ADGRV1: variants seen among roughly 807,000 people sequenced by gnomAD.
The protein encoded by ADGRV1 is adhesion G protein-coupled receptor V1, also known as G-protein coupled receptor 98.
A neutral mutation model predicts 596.2 loss-of-function variants in ADGRV1; 359 were observed. That is an observed-to-expected ratio of 0.60 (90% CI 0.55 to 0.66). The LOEUF is 0.66. Among genes scored for constraint, ADGRV1 ranks in the 30% least tolerant of loss-of-function variants. The probability of loss-of-function intolerance (pLI) is 0.00; values close to 1 mark genes in which losing one functional copy is unlikely to be tolerated. For synonymous variants in ADGRV1, 2,681 were observed against 2,679.2 expected (o/e 1.00, Z -0.02); for missense variants, 7,274 against 7,575.6 (o/e 0.96, Z 1.48).
At chr5:90,875,120 C>A (rs1455866273) in intron 83 of ADGRV1, among the ~76,000 whole-genome samples, 1 of 152,114 alleles carries the variant, frequency 6.6e-6, no homozygotes, top group Non-Finnish European at 1.5e-5. Flanking sequence ...TTTGAGCCTG[C>A]AGTGAGCTAT....
intron 8 of ADGRV1, 46 bp downstream of exon 8, chr5:90,628,878 T>C: frequency 6.4e-7 from 1 of 1,552,224 alleles, no homozygotes. Context: ...TTCTGTGCTG[T>C]ACAAGAACCA....
rs1435329512 is a variant in ADGRV1 at position 90,783,179 on chromosome 5, TG to T, written c.13289del (p.Gly4430AlafsTer3). The T allele has an allele frequency of 6.2e-7, 1 of 1,613,560 alleles. No homozygotes were observed. Among genetic ancestry groups the T allele is most frequent in the African/African-American group, 1.3e-5 (1 of 74,890 alleles). ...CAGTGGTGAGGCTACATGGAACTTATGGCTATGTGACAGCTGATTTCATCTC... is the reference window on the plus strand; with the variant it reads ...CAGTGGTGAGGCTACATGGAACTTATGCTATGTGACAGCTGATTTCATCTC... ...IPVVRLHGTY[G>X]YVTADFISQS... On this transcript the variant is annotated frameshift_variant, in exon 66 of 90. Coordinates refer to ENST00000405460, the MANE Select transcript of ADGRV1 (RefSeq NM_032119.4). LOFTEE classifies it high-confidence loss of function.
chr5:90,949,830 C>G lies in ADGRV1; in HGVS notation c.17857-15585C>G, dbSNP rs143651654. ...ATATTACATTTCATCCAGCCCAACC[C>G]TCTTATTTTAAAATGGACTGTGTGC... On this transcript the variant is annotated intron_variant, in intron 83 of 89. Coordinates refer to ENST00000405460, the MANE Select transcript of ADGRV1 (RefSeq NM_032119.4). 1.6e-3 allele frequency among the ~76,000 whole-genome samples: 247 copies of G among 151,976 alleles called. 1 individual carries two copies. The highest frequency in any genetic ancestry group is 5.6e-3 in the African/African-American group (233 of 41,440).
At chr5:90,829,846 A>C (rs527419507) in intron 77 of ADGRV1, among the ~76,000 whole-genome samples, 16 of 152,242 alleles carry the variant, frequency 1.1e-4, no homozygotes, top group African/African-American at 3.9e-4. Context: ...ACTCTGCTTG[A>C]AGTATGATTG....
chr5:90,915,202 A>C (rs776671113), intron 83 of ADGRV1, among the ~76,000 whole-genome samples: 3 of 152,210 alleles, frequency 2.0e-5, no homozygotes, highest in Non-Finnish European at 4.4e-5. Flanking sequence ...TAATCATAGA[A>C]AAGGTATTCC....
chr5:90,564,029 G>C (rs904323308), intron 1 of ADGRV1, among the ~76,000 whole-genome samples: 1 of 152,160 alleles, frequency 6.6e-6, no homozygotes, highest in African/African-American at 2.4e-5. Context: ...AGATGTACTT[G>C]TGTAATTATT....
intron 45 of ADGRV1, among the ~76,000 whole-genome samples, chr5:90,721,532 A>T (rs1750970369): frequency 1.5e-4 from 1 of 6,562 alleles, no homozygotes; most frequent in Non-Finnish European, 2.1e-4. Context: ...AATAAAAATA[A>T]AAATAAAATA....
intron 85 of ADGRV1, among the ~76,000 whole-genome samples, chr5:91,028,023 CT>C (rs35519785): frequency 3.1e-4 from 42 of 137,050 alleles, no homozygotes; most frequent in African/African-American, 8.8e-4. Flanking sequence ...TGAGATCCAG[CT>C]TTTTTTTTCT....
At chr5:91,155,843 ATAAATT>A (rs1279126694) in intron 89 of ADGRV1, among the ~76,000 whole-genome samples, 2 of 152,228 alleles carry the variant, frequency 1.3e-5, no homozygotes, top group African/African-American at 4.8e-5. Context: ...GTATGAAGAA[ATAAATT>A]TAGAAGCAAT....
intron 85 of ADGRV1, among the ~76,000 whole-genome samples, chr5:91,044,836 T>G (rs1785655214): frequency 6.6e-6 from 1 of 152,182 alleles, no homozygotes; most frequent in Non-Finnish European, 1.5e-5. Context: ...ATGCATAAAG[T>G]TCTGTTCTTG....
intron 82 of ADGRV1, among the ~76,000 whole-genome samples, chr5:90,859,613 T>C (rs1454736618): frequency 6.6e-6 from 1 of 151,972 alleles, no homozygotes; most frequent in Non-Finnish European, 1.5e-5. Flanking sequence ...TATTTTAAAA[T>C]GTGGCATATT....
intron 19 of ADGRV1, among the ~76,000 whole-genome samples, chr5:90,652,806 T>C (rs1338062664): frequency 3.9e-5 from 6 of 152,186 alleles, no homozygotes; most frequent in African/African-American, 9.7e-5. Flanking sequence ...TCCTCAAACA[T>C]GCAAATAGAC....
chr5:90,882,019 A>G (rs1388539158), intron 83 of ADGRV1, among the ~76,000 whole-genome samples: 1 of 152,108 alleles, frequency 6.6e-6, no homozygotes, highest in African/African-American at 2.4e-5. Context: ...CTGCTTTTCA[A>G]CTTTTGAAAA....
At chr5:90,605,603 G>T (rs1436528641) in intron 1 of ADGRV1, among the ~76,000 whole-genome samples, 1 of 152,010 alleles carries the variant, frequency 6.6e-6, no homozygotes, top group Non-Finnish European at 1.5e-5. Context: ...TGATATCATG[G>T]TTACTTTTCT....
intron 1 of ADGRV1, among the ~76,000 whole-genome samples, chr5:90,562,029 C>T (rs1754900626): frequency 6.6e-6 from 1 of 152,136 alleles, no homozygotes; most frequent in African/African-American, 2.4e-5. Flanking sequence ...TCACCAGAAC[C>T]TCCCCAGTCT....
intron 72 of ADGRV1, among the ~76,000 whole-genome samples, chr5:90,805,825 C>T (rs1299225689): frequency 6.6e-6 from 1 of 152,120 alleles, no homozygotes; most frequent in East Asian, 1.9e-4. Flanking sequence ...CTATTTCTGG[C>T]AGTAGGGCAG....
intron 85 of ADGRV1, among the ~76,000 whole-genome samples, chr5:90,996,380 T>C (rs1781419824): frequency 6.6e-6 from 1 of 151,766 alleles, no homozygotes; most frequent in Non-Finnish European, 1.5e-5. Flanking sequence ...CTCCAGGGGG[T>C]GCAAGCCATA....
intron 83 of ADGRV1, among the ~76,000 whole-genome samples, chr5:90,916,155 TG>T (rs1773332614): frequency 6.9e-6 from 1 of 144,914 alleles, no homozygotes; most frequent in African/African-American, 2.4e-5. Context: ...GCCTTAATTA[TG>T]TTTTTATGGA....
chr5:90,835,943 G>C (rs1270472228), intron 77 of ADGRV1, among the ~76,000 whole-genome samples: 1 of 152,134 alleles, frequency 6.6e-6, no homozygotes, highest in Non-Finnish European at 1.5e-5. Context: ...AACAAAAGTA[G>C]ATTTCACCAG....
Sources: gnomAD v4.1 joint callset for allele counts (sites outside exome capture counted in the v4.1 genomes callset) on GRCh38, gnomAD v4.1.1 for gene constraint, MANE v1.5 for transcripts, NCBI Gene and HGNC (gene_info 2026-07-23, HGNC 2026-07-21) for gene names.